MID2: variants seen among roughly 807,000 people sequenced by gnomAD.
MID2 encodes the protein midline 2, also known as probable E3 ubiquitin-protein ligase MID2.
In MID2, 13 loss-of-function variants were observed where a neutral mutation model predicts 46.1. The observed-to-expected ratio is 0.28, with a 90% confidence interval of 0.18 to 0.45. The LOEUF (loss-of-function observed/expected upper bound fraction) is 0.45. Ranked by LOEUF, MID2 falls within the 20% of genes least tolerant of loss-of-function variation. MID2 has a pLI of 1.00. For synonymous variants in MID2, 199 were observed against 212.3 expected, an observed-to-expected ratio of 0.94 and a Z score of 0.55; for missense variants, 431 against 575.4, an observed-to-expected ratio of 0.75 and a Z score of 2.57.
chrX:107,870,076 T>G (rs1932034256), intron 3 of MID2, among the ~76,000 whole-genome samples: 1 of 111,696 alleles, frequency 9.0e-6, no homozygotes, highest in African/African-American at 3.3e-5. Flanking sequence ...GAATTTTCAC[T>G]TGGACTGGCT....
chrX:107,891,496 AG>A (rs1932603595), intron 3 of MID2, among the ~76,000 whole-genome samples: 1 of 110,498 alleles, frequency 9.0e-6, no homozygotes, highest in African/African-American at 3.3e-5. Context: ...GGTCAGGCTG[AG>A]CCTAAAACAG....
chrX:107,925,490 C>A (rs952093965), intron 8 of MID2, among the ~76,000 whole-genome samples: 3 of 111,863 alleles, frequency 2.7e-5, no homozygotes, highest in Admixed American at 9.5e-5. Flanking sequence ...ATTGATGATG[C>A]AACAGTCACT....
intron 7 of MID2, among the ~76,000 whole-genome samples, chrX:107,924,044 G>A (rs182697775): frequency 4.5e-4 from 50 of 111,963 alleles, no homozygotes; most frequent in Non-Finnish European, 7.5e-4. Context: ...TGATGATTCC[G>A]TGACTCTGTA....
At chrX:107,834,105 A>G (rs767412771) in intron 1 of MID2, among the ~76,000 whole-genome samples, 17 of 111,464 alleles carry the variant, frequency 1.5e-4, no homozygotes, top group Admixed American at 1.3e-3. Context: ...ATTATTTTTT[A>G]TCTTAATCAC....
chrX:107,887,566 G>A (rs1266059617), intron 3 of MID2, among the ~76,000 whole-genome samples: 9 of 111,753 alleles, frequency 8.1e-5, no homozygotes, highest in Non-Finnish European at 1.3e-4. Context: ...GTTCATCAGG[G>A]ATATTGGTCT....
At chrX:107,853,058 C>G (rs966906141) in intron 2 of MID2, among the ~76,000 whole-genome samples, 1 of 110,755 alleles carries the variant, frequency 9.0e-6, no homozygotes, top group Admixed American at 9.6e-5. Flanking sequence ...AAAGCAGCTA[C>G]CAGGGCTGAA....
chrX:107,904,915 C>T (rs1424661649), intron 4 of MID2, among the ~76,000 whole-genome samples: 1 of 111,339 alleles, frequency 9.0e-6, no homozygotes, highest in Non-Finnish European at 1.9e-5. Flanking sequence ...TTGTGCCATG[C>T]TGAGTGGTTA....
At chrX:107,844,649 G>C (rs1336685294) in intron 2 of MID2, among the ~76,000 whole-genome samples, 8 of 111,053 alleles carry the variant, frequency 7.2e-5, no homozygotes, top group African/African-American at 9.8e-5. Context: ...AATATTATAA[G>C]TCCCATACAA....
At chrX:107,867,487 A>ACC (rs1353077614) in intron 3 of MID2, among the ~76,000 whole-genome samples, 3 of 110,746 alleles carry the variant, frequency 2.7e-5, no homozygotes, top group Non-Finnish European at 5.7e-5. Context: ...AAAAGTTTAT[A>ACC]CTGCCCCTCT....
chrX:107,840,548 C>T, intron 1 of MID2, 122 bp from the exon 2 acceptor site: 2 of 554,537 alleles, frequency 3.6e-6, no homozygotes, highest in Non-Finnish European at 2.9e-6. Context: ...AATTGCTTTT[C>T]TATTGCTTAA....
chrX:107,857,189 C>T (rs185461689), intron 3 of MID2, among the ~76,000 whole-genome samples: 8 of 111,701 alleles, frequency 7.2e-5, no homozygotes, highest in African/African-American at 2.3e-4. Context: ...TCTTTGATGA[C>T]AGGGACCCTA....
intron 3 of MID2, chrX:107,896,032 T>C (rs754525906): frequency 8.9e-6 from 1 of 112,490 alleles, no homozygotes; most frequent in Non-Finnish European, 1.9e-5. Context: ...AAACATAGGT[T>C]ATATCTCCCA....
intron 3 of MID2, among the ~76,000 whole-genome samples, chrX:107,864,380 G>C (rs1289466203): frequency 9.0e-6 from 1 of 111,250 alleles, no homozygotes; most frequent in Non-Finnish European, 1.9e-5. Flanking sequence ...GCCTAGAGTT[G>C]GCAGAAGGAA....
chrX:107,845,525 ACTCTCTCTCTCTCTCT>A (rs766707051), intron 2 of MID2, among the ~76,000 whole-genome samples: 1 of 72,982 alleles, frequency 1.4e-5, no homozygotes, highest in Non-Finnish European at 2.4e-5. Flanking sequence ...ACACACACAC[ACTCTCTCTCTCTCTCT>A]CTCTCTCTCT....
chrX:107,916,547 G>A (rs1331655426), intron 6 of MID2, among the ~76,000 whole-genome samples: 2 of 112,065 alleles, frequency 1.8e-5, no homozygotes, highest in Non-Finnish European at 3.8e-5. Flanking sequence ...GAAGAAAAAT[G>A]TAAGAAATAT....
intron 5 of MID2, among the ~76,000 whole-genome samples, chrX:107,912,243 G>T (rs747725531): frequency 6.3e-5 from 7 of 111,565 alleles, no homozygotes; most frequent in African/African-American, 2.0e-4. Context: ...GTCTTTGTGG[G>T]TTTATGACAT....
At chrX:107,853,894 C>T (rs747482092) in intron 2 of MID2, among the ~76,000 whole-genome samples, 2 of 111,742 alleles carry the variant, frequency 1.8e-5, no homozygotes, top group Non-Finnish European at 3.8e-5. Context: ...AATACTTTAA[C>T]TCCACTTTGA....
At chrX:107,870,213 T>C (rs1417828781) in intron 3 of MID2, among the ~76,000 whole-genome samples, 1 of 111,638 alleles carries the variant, frequency 9.0e-6, no homozygotes, top group Non-Finnish European at 1.9e-5. Context: ...TATTCTTTTG[T>C]TGCCCTGCTG....
chrX:107,892,349 A>G (rs184643756), intron 3 of MID2, among the ~76,000 whole-genome samples: 1,193 of 112,161 alleles, frequency 0.011, 24 homozygotes, highest in African/African-American at 0.037. Flanking sequence ...CACTAGTCAC[A>G]TGAACTTGGG....
Sources: gnomAD v4.1 joint callset for allele counts (sites outside exome capture counted in the v4.1 genomes callset) on GRCh38, gnomAD v4.1.1 for gene constraint, MANE v1.5 for transcripts, NCBI Gene and HGNC (gene_info 2026-07-23, HGNC 2026-07-21) for gene names.